MYO5C: variants seen among roughly 807,000 people sequenced by gnomAD.
MYO5C encodes the protein myosin VC.
In MYO5C, 194 loss-of-function variants were observed where a neutral mutation model predicts 235.7. That is an observed-to-expected ratio of 0.82 (90% CI 0.73 to 0.93). The LOEUF is 0.93. MYO5C is among the 40% of genes least tolerant of loss of function. MYO5C has a pLI of 0.00. For synonymous variants in MYO5C, 707 were observed against 754.8 expected, an observed-to-expected ratio of 0.94 and a Z score of 1.04; for missense variants, 2,038 against 2,127.2, an observed-to-expected ratio of 0.96 and a Z score of 0.82.
chr15:52,202,704 C>T (rs569811100), intron 38 of MYO5C, among the ~76,000 whole-genome samples: 2 of 152,208 alleles, frequency 1.3e-5, no homozygotes, highest in African/African-American at 4.8e-5. Context: ...AAGACTAGTC[C>T]TTCTGAATAC....
At chr15:52,195,800 T>C (rs1315979779) in intron 39 of MYO5C, among the ~76,000 whole-genome samples, 4 of 151,818 alleles carry the variant, frequency 2.6e-5, no homozygotes, top group Non-Finnish European at 5.9e-5. Flanking sequence ...TGTGTGATTA[T>C]TATTATTATT....
At chr15:52,241,893 G>A (rs1343419140) in intron 20 of MYO5C, among the ~76,000 whole-genome samples, 155 bp downstream of exon 20, 1 of 152,192 alleles carries the variant, frequency 6.6e-6, no homozygotes, top group African/African-American at 2.4e-5. Flanking sequence ...CTACAGGCAT[G>A]AGCCACAGCA....
At position 52,219,768 on chromosome 15, in the gene MYO5C, GTTCC is replaced by G. The variant is rs868594608; in HGVS notation, c.3772_3775del (p.Gly1258HisfsTer20). ...ACATATTTACACTTACTTTCTTTGT[GTTCC>G]TTCCTCCTCTTGACTGCGATGTAAC... On this transcript the variant is annotated frameshift_variant, in exon 31 of 41. Transcript: ENST00000261839. LOFTEE classifies it high-confidence loss of function. 2.5e-6 allele frequency: 4 copies of G among 1,611,422 alleles called. No homozygotes were observed. The highest frequency in any genetic ancestry group is 2.5e-6 in the Non-Finnish European group (3 of 1,178,102).
intron 10 of MYO5C, among the ~76,000 whole-genome samples, chr15:52,257,493 G>T (rs1566982589): frequency 6.6e-6 from 1 of 152,128 alleles, no homozygotes; most frequent in South Asian, 2.1e-4. Flanking sequence ...CAGAAAACTG[G>T]GACTTTTAAG....
Position 52,295,628 on chromosome 15 carries a change from C to A in MYO5C, c.9G>T (p.Val3=). Residue 3 remains valine (V), a synonymous_variant, in exon 1 of 41, where the codon GTG becomes GTT. Coordinates refer to ENST00000261839, the MANE Select transcript of MYO5C (RefSeq NM_018728.4). ...CTCCTACCTGCGTGTACAGCTCGGCCACCGCCATGGGCAGGAGGGGCCGGG... is the reference window on the plus strand; with the variant it reads ...CTCCTACCTGCGTGTACAGCTCGGCAACCGCCATGGGCAGGAGGGGCCGGG... The part of the protein sequence containing the change: MA[V]AELYTQYNRV... The A allele has an allele frequency of 1.3e-6, 2 of 1,485,156 alleles. No individual in the cohort carries two copies. Among genetic ancestry groups the A allele is most frequent in the Non-Finnish European group, 8.9e-7 (1 of 1,120,484 alleles). 92.0% of individuals were successfully genotyped at this position (1,485,156 alleles called of 1,614,324 possible).
At chr15:52,238,401 T>TTACA (rs1324206573) in intron 21 of MYO5C, among the ~76,000 whole-genome samples, 1 of 152,160 alleles carries the variant, frequency 6.6e-6, no homozygotes, top group African/African-American at 2.4e-5. Context: ...TGCAGGCTTG[T>TTACA]TACACAACAG....
At chr15:52,247,909 A>G (rs2036388481) in intron 14 of MYO5C, among the ~76,000 whole-genome samples, 1 of 152,148 alleles carries the variant, frequency 6.6e-6, no homozygotes, top group East Asian at 1.9e-4. Flanking sequence ...TCCACCTGCA[A>G]TCTCCTCCCT....
chr15:52,236,122 G>A (rs1398112289), intron 22 of MYO5C, among the ~76,000 whole-genome samples: 1 of 152,216 alleles, frequency 6.6e-6, no homozygotes, highest in African/African-American at 2.4e-5. Flanking sequence ...ACAGTTGATG[G>A]CGTAAAGGGG....
chr15:52,294,127 C>T (rs1313430837), intron 1 of MYO5C, among the ~76,000 whole-genome samples: 1 of 152,242 alleles, frequency 6.6e-6, no homozygotes, highest in Non-Finnish European at 1.5e-5. Flanking sequence ...ACTTACTAGA[C>T]ATTTAATAAA....
At chr15:52,196,525 G>A (rs1168248760) in intron 38 of MYO5C, 42 bp from the exon 39 acceptor site, 2 of 1,580,492 alleles carry the variant, frequency 1.3e-6, no homozygotes, top group Admixed American at 1.7e-5. Context: ...TTTAGGGAAG[G>A]GTGCCAGATA....
At chr15:52,247,765 G>A (rs537785735) in intron 14 of MYO5C, among the ~76,000 whole-genome samples, 173 bp from the exon 15 acceptor site, 1 of 152,312 alleles carries the variant, frequency 6.6e-6, no homozygotes, top group Admixed American at 6.5e-5. Flanking sequence ...TCATAGGGAT[G>A]GCCCGTGACT....
At chr15:52,210,592 G>A (rs1485896425) in intron 35 of MYO5C, among the ~76,000 whole-genome samples, 2 of 152,078 alleles carry the variant, frequency 1.3e-5, no homozygotes, top group Non-Finnish European at 2.9e-5. Context: ...CACATTCAGG[G>A]TAGCACCAGG....
chr15:52,213,369 T>C lies in MYO5C; in HGVS notation c.4043-83A>G, dbSNP rs868232298. On this transcript the variant is annotated intron_variant, in intron 33 of 40. Transcript: ENST00000261839. Reference sequence around the variant, plus strand: ...CAATGTGACTACTCTCCTACCCCATTCTGGCTGGTTTGCACGTAAATGTCT... The same window carrying C: ...CAATGTGACTACTCTCCTACCCCATCCTGGCTGGTTTGCACGTAAATGTCT... 46 of 917,846 alleles carry C rather than the reference T, an allele frequency of 5.0e-5. No individual in the cohort carries two copies. The African/African-American group carries it at 5.8e-4, about 12-fold the overall frequency. 56.9% of individuals were successfully genotyped at this position (917,846 alleles called of 1,614,324 possible).
At position 52,253,373 on chromosome 15, in the gene MYO5C, T is replaced by C; in HGVS notation, c.1480A>G (p.Ile494Val). 1 of 1,613,352 alleles carries C rather than the reference T, an allele frequency of 6.2e-7. No homozygotes were observed. Among genetic ancestry groups the C allele is most frequent in the South Asian group, 1.1e-5 (1 of 91,052 alleles). ...LIDFYDNQPV[I>V]DLIEAKMGIL... ...CCCATTTTTGCTTCAATCAGGTCAA[T>C]AACTGGTTGATTGTCATAAAAATCT... The change falls in exon 12 of 41, where the codon ATT (isoleucine) becomes GTT (valine). Residue 494 changes from isoleucine to valine, a missense_variant. Coordinates refer to ENST00000261839, the MANE Select transcript of MYO5C (RefSeq NM_018728.4).
intron 8 of MYO5C, 46 bp from the exon 9 acceptor site, chr15:52,264,342 T>C (rs775600449): frequency 6.2e-6 from 9 of 1,444,872 alleles, no homozygotes; most frequent in Non-Finnish European, 8.7e-6. Context: ...ATCTCTTCTC[T>C]GACTAGTAAG....
At position 52,237,648 on chromosome 15, in the gene MYO5C, TAGAGAAAAGAAAATTC is replaced by T. The variant is rs1285079011; in HGVS notation, c.2704-18_2704-3del. ...CACCAGCCCATGGTTTTCTTTGTTC[TAGAGAAAAGAAAATTC>T]AGATGTTTAGAGGTTAATCCAAACA... is the stretch of plus-strand genomic sequence containing the variant. On this transcript the variant is annotated splice_polypyrimidine_tract_variant and splice_region_variant and intron_variant, in intron 21 of 40. Coordinates refer to ENST00000261839, the MANE Select transcript of MYO5C (RefSeq NM_018728.4). 5 of 1,604,254 alleles carry T rather than the reference TAGAGAAAAGAAAATTC, an allele frequency of 3.1e-6. No homozygotes were observed. Among genetic ancestry groups the T allele is most frequent in the Non-Finnish European group, 4.2e-6 (5 of 1,177,932 alleles).
intron 20 of MYO5C, 22 bp downstream of exon 20, chr15:52,242,026 T>G (rs1331850809): frequency 1.3e-6 from 2 of 1,596,200 alleles, no homozygotes; most frequent in Admixed American, 1.7e-5. Flanking sequence ...CCTCCCTTCC[T>G]CTAGACAGAG....
At chr15:52,222,970 T>C (rs1397337046) in intron 29 of MYO5C, among the ~76,000 whole-genome samples, 2 of 151,978 alleles carry the variant, frequency 1.3e-5, no homozygotes, top group East Asian at 1.9e-4. Flanking sequence ...GCCCACATAG[T>C]GAAACCCTGT....
At chr15:52,196,219 T>G (rs2035049066) in intron 39 of MYO5C, 90 bp downstream of exon 39, 1 of 1,285,470 alleles carries the variant, frequency 7.8e-7, no homozygotes, top group African/African-American at 1.5e-5. Context: ...AGAATCAGGG[T>G]GCCCACAGCT....
Sources: gnomAD v4.1 joint callset for allele counts (sites outside exome capture counted in the v4.1 genomes callset) on GRCh38, gnomAD v4.1.1 for gene constraint, MANE v1.5 for transcripts, NCBI Gene and HGNC (gene_info 2026-07-23, HGNC 2026-07-21) for gene names.